Variants in SEMA5A observed in about 807,000 individuals in gnomAD.
SEMA5A encodes the protein semaphorin-5A.
In SEMA5A, 55 loss-of-function variants were observed where a neutral mutation model predicts 135.5. The ratio of observed to expected loss-of-function variants is 0.41; its 90% confidence interval spans 0.33 to 0.51. The LOEUF is 0.51. SEMA5A is among the 20% of genes least tolerant of loss of function. SEMA5A has a pLI of 0.37. For synonymous variants in SEMA5A, 580 were observed against 546.5 expected (o/e 1.06, Z -0.85); for missense variants, 1,290 against 1,419.9 (o/e 0.91, Z 1.47).
intron 1 of SEMA5A, among the ~76,000 whole-genome samples, chr5:9,443,311 G>A (rs764377523): frequency 6.6e-6 from 1 of 152,092 alleles, no homozygotes; most frequent in Non-Finnish European, 1.5e-5. Context: ...ACAAGGCTTT[G>A]AGGCAAAAGT....
chr5:9,207,332 T>G (rs1746088910), intron 8 of SEMA5A, among the ~76,000 whole-genome samples: 1 of 151,640 alleles, frequency 6.6e-6, no homozygotes, highest in Non-Finnish European at 1.5e-5. Context: ...ATTCCAGGTG[T>G]GCACCACCAC....
At chr5:9,221,341 C>A (rs1411898033) in intron 8 of SEMA5A, among the ~76,000 whole-genome samples, 1 of 129,556 alleles carries the variant, frequency 7.7e-6, no homozygotes, top group African/African-American at 2.9e-5. Context: ...CTCGCTGTGT[C>A]ACCCAGGCTG....
chr5:9,099,683 G>C (rs570768783), intron 16 of SEMA5A, among the ~76,000 whole-genome samples: 2 of 152,176 alleles, frequency 1.3e-5, no homozygotes, highest in Non-Finnish European at 2.9e-5. Flanking sequence ...TTCCACAAAG[G>C]GGAGGGGAAA....
At chr5:9,181,837 C>T (rs1744529757) in intron 11 of SEMA5A, among the ~76,000 whole-genome samples, 1 of 152,068 alleles carries the variant, frequency 6.6e-6, no homozygotes, top group Non-Finnish European at 1.5e-5. Context: ...CCGCATGGTA[C>T]TCGATTCAAT....
chr5:9,212,208 C>T (rs1344393752), intron 8 of SEMA5A, among the ~76,000 whole-genome samples: 1 of 152,152 alleles, frequency 6.6e-6, no homozygotes, highest in Non-Finnish European at 1.5e-5. Context: ...GTATTTTCAC[C>T]TTTTCATGGG....
At chr5:9,372,417 T>C (rs1189852642) in intron 3 of SEMA5A, among the ~76,000 whole-genome samples, 1 of 151,310 alleles carries the variant, frequency 6.6e-6, no homozygotes, top group African/African-American at 2.4e-5. Context: ...CATGGAACCA[T>C]GGGATATGTG....
chr5:9,191,906 G>C (rs1579578128), intron 10 of SEMA5A, among the ~76,000 whole-genome samples: 1 of 140,648 alleles, frequency 7.1e-6, no homozygotes. Flanking sequence ...GAAGGGCTCA[G>C]CCCTGCCATG....
intron 11 of SEMA5A, among the ~76,000 whole-genome samples, chr5:9,183,240 A>G (rs900644044): frequency 1.3e-5 from 2 of 152,186 alleles, no homozygotes; most frequent in Non-Finnish European, 2.9e-5. Flanking sequence ...CTGCTTGGCT[A>G]CATGAGAAGC....
intron 16 of SEMA5A, among the ~76,000 whole-genome samples, chr5:9,104,173 C>A (rs561045784): frequency 1.2e-4 from 19 of 152,272 alleles, no homozygotes; most frequent in Admixed American, 1.1e-3. Context: ...TGCTACTGGG[C>A]AAGTTCATTA....
At chr5:9,198,190 A>C (rs1029574455) in intron 9 of SEMA5A, among the ~76,000 whole-genome samples, 4 of 152,216 alleles carry the variant, frequency 2.6e-5, no homozygotes, top group African/African-American at 9.6e-5. Context: ...CTTTTCCTGC[A>C]TCAAAGGAAA....
chr5:9,304,133 A>G (rs990219512), intron 5 of SEMA5A, among the ~76,000 whole-genome samples: 2 of 152,262 alleles, frequency 1.3e-5, no homozygotes, highest in East Asian at 3.9e-4. Context: ...TTATAATTGG[A>G]GCAGTTTTCT....
rs1308905972 is a variant in SEMA5A at position 9,063,003 on chromosome 5, C to T, written c.2402G>A (p.Ser801Asn). The change falls in exon 18 of 23, where the codon AGC becomes AAC. Residue 801 changes from serine (S) to asparagine (N), a missense_variant. This residue lies in a region of SEMA5A where 1,029 missense variants were observed against 1,086.6 expected (regional missense o/e 0.95). Coordinates refer to ENST00000382496, the MANE Select transcript of SEMA5A (RefSeq NM_003966.3). ...ACGCTTCCGGTTCCGAATGCCCCTG[C>T]TGCAGTCACGGCTGCACTGTGACCA... ...TSWSQCSRDC[S>N]RGIRNRKRVC... The T allele has an allele frequency of 6.2e-7, 1 of 1,614,222 alleles. No individual in the cohort carries two copies. Among genetic ancestry groups the T allele is most frequent in the Non-Finnish European group, 8.5e-7 (1 of 1,180,032 alleles).
chr5:9,149,933 A>T (rs957679427), intron 12 of SEMA5A, among the ~76,000 whole-genome samples: 9 of 152,192 alleles, frequency 5.9e-5, no homozygotes, highest in Non-Finnish European at 1.2e-4. Flanking sequence ...TGTTTACACA[A>T]GGCAGGAAGT....
intron 2 of SEMA5A, among the ~76,000 whole-genome samples, chr5:9,403,897 C>T (rs193034790): frequency 6.6e-6 from 1 of 152,196 alleles, no homozygotes; most frequent in East Asian, 1.9e-4. Context: ...TAAGCCTCAC[C>T]CAGCCTCCTA....
chr5:9,284,631 T>A (rs1405031568), intron 5 of SEMA5A, among the ~76,000 whole-genome samples: 1 of 152,166 alleles, frequency 6.6e-6, no homozygotes, highest in Non-Finnish European at 1.5e-5. Flanking sequence ...ATTTGCTAAC[T>A]CAGTAATTCT....
At chr5:9,474,364 G>T (rs139304719) in intron 1 of SEMA5A, among the ~76,000 whole-genome samples, 7 of 152,166 alleles carry the variant, frequency 4.6e-5, no homozygotes, top group Admixed American at 1.3e-4. Flanking sequence ...GGAGGGCTCA[G>T]ACACACATGG....
intron 2 of SEMA5A, among the ~76,000 whole-genome samples, chr5:9,424,798 A>G (rs1306880724): frequency 1.3e-5 from 2 of 152,060 alleles, no homozygotes; most frequent in Non-Finnish European, 2.9e-5. Context: ...CTCTACCTCT[A>G]AATATGTCAA....
At chr5:9,422,287 C>T (rs529510512) in intron 2 of SEMA5A, 1 of 152,158 alleles carries the variant, frequency 6.6e-6, no homozygotes, top group Non-Finnish European at 1.5e-5. Flanking sequence ...ATTCTTCAAC[C>T]TGGGCAACGC....
chr5:9,173,681 T>C (rs138025573), intron 11 of SEMA5A, among the ~76,000 whole-genome samples: 1 of 152,310 alleles, frequency 6.6e-6, no homozygotes, highest in African/African-American at 2.4e-5. Flanking sequence ...TTTCAACTTA[T>C]TTTCAATCTG....
Sources: allele counts gnomAD v4.1 joint callset (sites outside exome capture counted in the v4.1 genomes callset), GRCh38; gene constraint gnomAD v4.1.1; regional missense constraint gnomAD v4.1.1; transcripts MANE v1.5; gene names NCBI Gene and HGNC (gene_info 2026-07-23, HGNC 2026-07-21).